The following VWA8 variants were observed in gnomAD, a reference collection of about 807,000 sequenced individuals.
The protein encoded by VWA8 is von Willebrand factor A domain containing 8.
A neutral mutation model predicts 241.5 loss-of-function variants in VWA8; 221 were observed. The ratio of observed to expected loss-of-function variants is 0.91; its 90% CI spans 0.82 to 1.02. VWA8 has a LOEUF of 1.02. Ranked by LOEUF, VWA8 falls within the 50% of genes least tolerant of loss-of-function variation. The pLI is 0.00. For synonymous variants in VWA8, 852 were observed against 827.1 expected (o/e 1.03, Z -0.52); for missense variants, 2,322 against 2,328.7 (o/e 1.00, Z 0.06).
intron 17 of VWA8, among the ~76,000 whole-genome samples, chr13:41,793,277 G>A (rs187676953): frequency 6.6e-6 from 1 of 152,212 alleles, no homozygotes; most frequent in African/African-American, 2.4e-5. Flanking sequence ...CAACTAATAA[G>A]AAGATGAATT....
chr13:41,805,994 T>C (rs1270673756), intron 17 of VWA8, among the ~76,000 whole-genome samples: 2 of 105,846 alleles, frequency 1.9e-5, no homozygotes, highest in Non-Finnish European at 4.2e-5. Flanking sequence ...CTTAAAAAAT[T>C]CAAAAATAAA....
chr13:41,864,989 C>T, intron 12 of VWA8, among the ~76,000 whole-genome samples: 1 of 75,108 alleles, frequency 1.3e-5, no homozygotes, highest in Non-Finnish European at 2.6e-5. Context: ...AACTCCATCT[C>T]AAAAAAAAAA....
Position 41,683,560 on chromosome 13 carries a change from T to C in VWA8, c.4327+1487A>G, listed in dbSNP as rs145609980. Among the ~76,000 whole-genome samples, 246 of 152,270 alleles carry C rather than the reference T, an allele frequency of 1.6e-3. 1 individual carries two copies. Among genetic ancestry groups the C allele is most frequent in the African/African-American group, 5.7e-3 (236 of 41,572 alleles). On this transcript the variant is annotated intron_variant, in intron 35 of 44. Coordinates refer to ENST00000379310, the MANE Select transcript of VWA8 (RefSeq NM_015058.2). Reference sequence around the variant, plus strand: ...TGTGTCTGCCAAACTCACAGAACTATATGCTAGAAATGGTGAATTTTACTG... The same window carrying C: ...TGTGTCTGCCAAACTCACAGAACTACATGCTAGAAATGGTGAATTTTACTG...
At chr13:41,839,480 G>A (rs370174458) in intron 12 of VWA8, among the ~76,000 whole-genome samples, 82 of 152,278 alleles carry the variant, frequency 5.4e-4, no homozygotes, top group African/African-American at 1.9e-3. Context: ...CTGTGCAGAA[G>A]CTCTTTAGTT....
At chr13:41,808,202 C>T (rs1430844759) in intron 17 of VWA8, among the ~76,000 whole-genome samples, 4 of 151,826 alleles carry the variant, frequency 2.6e-5, no homozygotes, top group Non-Finnish European at 5.9e-5. Context: ...AGGAACATAC[C>T]TCAACACAAT....
At chr13:41,827,339 A>G (rs905184089) in intron 14 of VWA8, among the ~76,000 whole-genome samples, 3 of 152,230 alleles carry the variant, frequency 2.0e-5, no homozygotes, top group Non-Finnish European at 4.4e-5. Context: ...AGAGCTAAAC[A>G]TTAATTTTCC....
intron 20 of VWA8, among the ~76,000 whole-genome samples, chr13:41,769,943 A>G (rs989481496): frequency 1.3e-5 from 2 of 152,232 alleles, no homozygotes; most frequent in Non-Finnish European, 2.9e-5. Context: ...AGACGATTGA[A>G]TCAACATAGT....
rs998864370 is a variant in VWA8 at position 41,572,120 on chromosome 13, C to T, written c.5371-1414G>A. Among the ~76,000 whole-genome samples, 21 of 150,768 alleles carry T rather than the reference C, an allele frequency of 1.4e-4. 1 individual carries two copies. The East Asian group carries it at 2.7e-3, about 20-fold the overall frequency. On this transcript the variant is annotated intron_variant, in intron 43 of 44. Coordinates refer to ENST00000379310, the MANE Select transcript of VWA8 (RefSeq NM_015058.2). ...GGAGCCCCTCCGCCCGGCAGCTGCCCGTCTGCGAAGTGAGGAGCCCCTCCG... is the reference window on the plus strand; with the variant it reads ...GGAGCCCCTCCGCCCGGCAGCTGCCTGTCTGCGAAGTGAGGAGCCCCTCCG...
At chr13:41,572,206 C>T (rs566734318) in intron 43 of VWA8, among the ~76,000 whole-genome samples, 40 of 152,060 alleles carry the variant, frequency 2.6e-4, no homozygotes, top group African/African-American at 8.9e-4. Flanking sequence ...GCCAGCCGCC[C>T]CGTCTGGGAG....
At chr13:41,958,977 C>A (rs1162350287) in intron 1 of VWA8, among the ~76,000 whole-genome samples, 1 of 152,160 alleles carries the variant, frequency 6.6e-6, no homozygotes, top group Non-Finnish European at 1.5e-5. Flanking sequence ...CATGTATTAT[C>A]CATGTACAAA....
At chr13:41,749,307 T>C (rs1274087270) in intron 21 of VWA8, among the ~76,000 whole-genome samples, 1 of 152,148 alleles carries the variant, frequency 6.6e-6, no homozygotes, top group African/African-American at 2.4e-5. Flanking sequence ...CACAATGAGA[T>C]ACCATCTCAC....
chr13:41,744,952 C>T (rs894657482), intron 21 of VWA8, among the ~76,000 whole-genome samples: 1 of 152,064 alleles, frequency 6.6e-6, no homozygotes, highest in African/African-American at 2.4e-5. Context: ...ATTCTCCTGC[C>T]TCAGCCTCCC....
chr13:41,776,812 A>G (rs934118623), intron 20 of VWA8, among the ~76,000 whole-genome samples: 1 of 152,212 alleles, frequency 6.6e-6, no homozygotes, highest in South Asian at 2.1e-4. Flanking sequence ...GCCTCTAGTT[A>G]TCTAATTTCT....
chr13:41,581,383 CA>C (rs2044382631), intron 42 of VWA8, among the ~76,000 whole-genome samples: 1 of 152,184 alleles, frequency 6.6e-6, no homozygotes, highest in Non-Finnish European at 1.5e-5. Flanking sequence ...AATAATAATC[CA>C]GTACATTACA....
intron 37 of VWA8, among the ~76,000 whole-genome samples, chr13:41,632,475 T>C (rs1226229369): frequency 6.6e-6 from 1 of 152,138 alleles, no homozygotes; most frequent in Non-Finnish European, 1.5e-5. Context: ...GCAAAAGAAT[T>C]TAGCATGAGG....
chr13:41,924,612 G>T (rs1430997091), intron 2 of VWA8, among the ~76,000 whole-genome samples: 1 of 152,160 alleles, frequency 6.6e-6, no homozygotes, highest in Non-Finnish European at 1.5e-5. Flanking sequence ...CTTATTTAAT[G>T]AAATAAATGC....
intron 39 of VWA8, among the ~76,000 whole-genome samples, chr13:41,609,125 A>G (rs984565020): frequency 4.6e-5 from 7 of 151,910 alleles, no homozygotes; most frequent in Admixed American, 6.6e-5. Flanking sequence ...CTGGGGTTAT[A>G]CTAGAGCACA....
intron 1 of VWA8, among the ~76,000 whole-genome samples, chr13:41,952,727 C>G (rs1878188894): frequency 6.6e-6 from 1 of 152,024 alleles, no homozygotes; most frequent in Non-Finnish European, 1.5e-5. Flanking sequence ...TTCATGGTAA[C>G]TTGACAATTG....
At chr13:41,788,626 G>A (rs1367035676) in intron 17 of VWA8, among the ~76,000 whole-genome samples, 4 of 152,068 alleles carry the variant, frequency 2.6e-5, no homozygotes, top group South Asian at 4.2e-4. Flanking sequence ...TCACTGCCTC[G>A]TTCAAAAACC....
Sources: gnomAD v4.1 joint callset for allele counts (sites outside exome capture counted in the v4.1 genomes callset) on GRCh38, gnomAD v4.1.1 for gene constraint, MANE v1.5 for transcripts, NCBI Gene and HGNC (gene_info 2026-07-23, HGNC 2026-07-21) for gene names.